PLCB1: variants seen among roughly 807,000 people sequenced by gnomAD.
The protein encoded by PLCB1 is phospholipase C beta 1.
PLCB1 carries 46 observed loss-of-function variants against 161.8 expected under a neutral mutation model. The observed-to-expected ratio is 0.28, with a 90% confidence interval of 0.22 to 0.36. The LOEUF is 0.36. PLCB1 is among the 10% of genes least tolerant of loss of function. PLCB1 has a pLI of 1.00. For missense variants in PLCB1, 1,016 were observed against 1,472.5 expected, an observed-to-expected ratio of 0.69 and a Z score of 5.07; for synonymous variants, 517 against 503.7, an observed-to-expected ratio of 1.03 and a Z score of -0.35.
chr20:8,362,073 ACT>A (rs1394133286), intron 2 of PLCB1, among the ~76,000 whole-genome samples: 1 of 152,132 alleles, frequency 6.6e-6, no homozygotes, highest in African/African-American at 2.4e-5. Context: ...ATTTTTTTTA[ACT>A]CTGAGTTCTG....
intron 3 of PLCB1, among the ~76,000 whole-genome samples, chr20:8,403,212 C>A (rs1417608964): frequency 6.6e-6 from 1 of 151,998 alleles, no homozygotes; most frequent in East Asian, 1.9e-4. Context: ...CCTTTGAAAC[C>A]CTCCCTCCTC....
At chr20:8,467,644 A>G (rs1432015918) in intron 3 of PLCB1, among the ~76,000 whole-genome samples, 1 of 152,106 alleles carries the variant, frequency 6.6e-6, no homozygotes, top group Non-Finnish European at 1.5e-5. Flanking sequence ...TTCCCTTTTC[A>G]CCAGATGTCC....
intron 31 of PLCB1, among the ~76,000 whole-genome samples, chr20:8,832,572 G>A (rs1250035463): frequency 2.0e-5 from 3 of 152,178 alleles, no homozygotes; most frequent in East Asian, 3.9e-4. Flanking sequence ...ATTTGAGTGC[G>A]AAGTGCAATG....
intron 2 of PLCB1, among the ~76,000 whole-genome samples, chr20:8,197,448 C>A (rs1262775766): frequency 6.6e-6 from 1 of 152,136 alleles, no homozygotes; most frequent in African/African-American, 2.4e-5. Context: ...CTGTTGGCTG[C>A]ATAAATGTCT....
intron 9 of PLCB1, among the ~76,000 whole-genome samples, chr20:8,667,543 G>T (rs796787026): frequency 3.3e-5 from 5 of 152,318 alleles, no homozygotes; most frequent in African/African-American, 9.6e-5. Context: ...AAAGGCAAAG[G>T]CCTGGCCTAG....
At position 8,474,320 on chromosome 20, in the gene PLCB1, C is replaced by T. The variant is rs576151236; in HGVS notation, c.246+102870C>T. The stretch of plus-strand genomic sequence containing the variant: ...CAAAATGACATGCTAGAGGGTGATG[C>T]GGGAGTGGCATGGACTGGAAGATGG... On this transcript the variant is annotated intron_variant, in intron 3 of 31. Coordinates refer to ENST00000338037, the MANE Select transcript of PLCB1 (RefSeq NM_015192.4). Among the ~76,000 whole-genome samples, 3 of 152,076 alleles carry T rather than the reference C, an allele frequency of 2.0e-5. No homozygotes were observed. The South Asian group carries it at 6.2e-4, about 32-fold the overall frequency.
At chr20:8,629,951 T>TTTTC (rs746544761) in intron 4 of PLCB1, among the ~76,000 whole-genome samples, 5,570 of 131,844 alleles carry the variant, frequency 0.042, 278 homozygotes, top group African/African-American at 0.1. Flanking sequence ...TCTCTCTTTC[T>TTTTC]TTTCTTTCTT....
intron 3 of PLCB1, among the ~76,000 whole-genome samples, chr20:8,535,202 C>CAAAA (rs11323420): frequency 0.01 from 529 of 52,652 alleles, 5 homozygotes; most frequent in East Asian, 0.046. Context: ...AGTTTATGGG[C>CAAAA]AAAAAAAAAA....
At chr20:8,784,637 C>G (rs1486634217) in intron 27 of PLCB1, among the ~76,000 whole-genome samples, 3 of 151,334 alleles carry the variant, frequency 2.0e-5, no homozygotes, top group Non-Finnish European at 4.4e-5. Context: ...TGAAGGCAAA[C>G]TGAGTACAGT....
chr20:8,266,915 C>T (rs6039114), intron 2 of PLCB1, among the ~76,000 whole-genome samples: 3,663 of 151,950 alleles, frequency 0.024, 135 homozygotes, highest in African/African-American at 0.083. Context: ...GGCAGGCACC[C>T]ATAATTCCAG....
At chr20:8,318,036 A>G (rs184816461) in intron 2 of PLCB1, among the ~76,000 whole-genome samples, 61 of 141,960 alleles carry the variant, frequency 4.3e-4, no homozygotes, top group Admixed American at 9.2e-4. Flanking sequence ...CAACTTCTTT[A>G]TTGGAATACA....
intron 3 of PLCB1, among the ~76,000 whole-genome samples, chr20:8,400,770 T>C (rs1474902964): frequency 6.6e-6 from 1 of 152,226 alleles, no homozygotes; most frequent in Non-Finnish European, 1.5e-5. Context: ...ATTTATGTAC[T>C]TAGTCATTTG....
Position 8,789,554 on chromosome 20 carries a change from A to G in PLCB1, c.3315A>G (p.Glu1105=), listed in dbSNP as rs1568600330. 1 of 1,612,100 alleles carries G rather than the reference A, an allele frequency of 6.2e-7. No individual in the cohort carries two copies. The highest frequency in any genetic ancestry group is 8.5e-7 in the Non-Finnish European group (1 of 1,178,116). ...KTEMIRSYIQ[E]VVQYIKRLEE... is the part of the protein sequence containing the mutation. ...AGATGATCCGGTCATATATCCAGGA[A>G]GTGGTGCAGTATATCAAGAGGGTAT... Residue 1105 remains glutamate, a synonymous_variant, in exon 30 of 32, where the codon GAA becomes GAG. Coordinates refer to ENST00000338037, the MANE Select transcript of PLCB1 (RefSeq NM_015192.4).
intron 2 of PLCB1, among the ~76,000 whole-genome samples, chr20:8,278,845 T>C (rs1162252868): frequency 6.6e-6 from 1 of 152,038 alleles, no homozygotes; most frequent in Non-Finnish European, 1.5e-5. Context: ...CTGTTGGAAA[T>C]ATATTCTCCT....
chr20:8,664,648 A>G (rs1989764587), intron 9 of PLCB1, among the ~76,000 whole-genome samples: 1 of 152,146 alleles, frequency 6.6e-6, no homozygotes, highest in Admixed American at 6.6e-5. Flanking sequence ...AAAGCACTGA[A>G]TAAATTTGCT....
At chr20:8,492,958 C>T (rs1050807241) in intron 3 of PLCB1, among the ~76,000 whole-genome samples, 1 of 151,816 alleles carries the variant, frequency 6.6e-6, no homozygotes, top group African/African-American at 2.4e-5. Context: ...GCATTCTCAT[C>T]GTAAACAGGT....
At chr20:8,564,711 T>C (rs187957116) in intron 3 of PLCB1, among the ~76,000 whole-genome samples, 1 of 152,242 alleles carries the variant, frequency 6.6e-6, no homozygotes, top group Non-Finnish European at 1.5e-5. Flanking sequence ...AAGACATTTA[T>C]GCAGCCAACA....
At chr20:8,284,321 C>G (rs1011391565) in intron 2 of PLCB1, among the ~76,000 whole-genome samples, 2 of 152,008 alleles carry the variant, frequency 1.3e-5, no homozygotes, top group African/African-American at 4.8e-5. Flanking sequence ...TTGACTTTAC[C>G]CAAGGACTTG....
At chr20:8,565,958 G>C (rs1047382599) in intron 3 of PLCB1, among the ~76,000 whole-genome samples, 1 of 152,118 alleles carries the variant, frequency 6.6e-6, no homozygotes, top group East Asian at 1.9e-4. Context: ...CCACAGCAGC[G>C]CTGGATTCCT....
Sources: allele counts gnomAD v4.1 joint callset (sites outside exome capture counted in the v4.1 genomes callset), GRCh38; gene constraint gnomAD v4.1.1; transcripts MANE v1.5; gene names NCBI Gene and HGNC (gene_info 2026-07-23, HGNC 2026-07-21).